Variants in CYRIB observed in about 807,000 individuals in gnomAD.
CYRIB encodes the protein CYFIP-related Rac1 interactor B.
CYRIB carries 8 observed loss-of-function variants against 44.2 expected under a neutral mutation model. The ratio of observed to expected loss-of-function variants is 0.18; its 90% CI spans 0.11 to 0.33. The LOEUF (loss-of-function observed/expected upper bound fraction) is 0.33. CYRIB is among the 10% of genes least tolerant of loss of function. The probability of loss-of-function intolerance (pLI) is 1.00; values close to 1 mark genes in which losing one functional copy is unlikely to be tolerated. For synonymous variants in CYRIB, 131 were observed against 127.2 expected (o/e 1.03, Z -0.20); for missense variants, 185 against 382.8 (o/e 0.48, Z 4.31).
At chr8:129,994,344 G>A (rs2096719723) in intron 1 of CYRIB, among the ~76,000 whole-genome samples, 1 of 152,202 alleles carries the variant, frequency 6.6e-6, no homozygotes, top group South Asian at 2.1e-4. Context: ...CTTCGCCTTG[G>A]ACTGCCAGTC....
At chr8:129,864,370 C>G (rs2052121304) in intron 4 of CYRIB, 1 of 152,266 alleles carries the variant, frequency 6.6e-6, no homozygotes, top group African/African-American at 2.4e-5. Flanking sequence ...CAGGCCCAGA[C>G]TTGGTAATGA....
intron 1 of CYRIB, among the ~76,000 whole-genome samples, chr8:129,973,582 A>G (rs2095802204): frequency 6.6e-6 from 1 of 152,176 alleles, no homozygotes; most frequent in African/African-American, 2.4e-5. Context: ...GGGAGTCCCA[A>G]CCACCTCACG....
At chr8:129,990,080 T>C (rs1017578932) in intron 1 of CYRIB, among the ~76,000 whole-genome samples, 1 of 152,136 alleles carries the variant, frequency 6.6e-6, no homozygotes, top group Non-Finnish European at 1.5e-5. Flanking sequence ...CTCCAACTTG[T>C]CCTCAGTTTT....
At chr8:130,005,049 G>A (rs2134056153) in intron 1 of CYRIB, among the ~76,000 whole-genome samples, 1 of 152,304 alleles carries the variant, frequency 6.6e-6, no homozygotes, top group East Asian at 1.9e-4. Flanking sequence ...TTACAGGCAT[G>A]AGCCACCGTG....
chr8:129,975,514 C>A (rs2095879139), intron 1 of CYRIB, among the ~76,000 whole-genome samples: 1 of 152,024 alleles, frequency 6.6e-6, no homozygotes. Context: ...ATAAAAAAGA[C>A]AAAAACTTTT....
At chr8:129,865,838 G>A (rs1352740174) in intron 4 of CYRIB, among the ~76,000 whole-genome samples, 2 of 152,230 alleles carry the variant, frequency 1.3e-5, no homozygotes, top group Non-Finnish European at 2.9e-5. Flanking sequence ...TGGGAAGCCA[G>A]TAAGCTTTAG....
At chr8:129,986,924 G>C (rs1010864205) in intron 1 of CYRIB, among the ~76,000 whole-genome samples, 1 of 152,128 alleles carries the variant, frequency 6.6e-6, no homozygotes, top group Admixed American at 6.5e-5. Context: ...ATGCTCCAGG[G>C]GTGGCACATT....
intron 1 of CYRIB, among the ~76,000 whole-genome samples, chr8:129,988,183 A>G (rs970521984): frequency 2.0e-5 from 3 of 152,184 alleles, no homozygotes; most frequent in Non-Finnish European, 4.4e-5. Context: ...CGAAACTGCT[A>G]CGTGATACCC....
intron 1 of CYRIB, among the ~76,000 whole-genome samples, chr8:129,982,798 T>C (rs1392931072): frequency 6.6e-6 from 1 of 152,150 alleles, no homozygotes; most frequent in Non-Finnish European, 1.5e-5. Context: ...CTTGCCTGTT[T>C]TAAATTCTCA....
rs185529444 is a variant in CYRIB, at chr8:129,845,675, T to C, written c.911+1129A>G. ...TGACAGTTCCGCTTAGCTGAAATGA[T>C]ACAGCCTACATTTTATGTGGTAAAT... On this transcript the variant is annotated intron_variant, in intron 11 of 11. Transcript: ENST00000519824. Among the ~76,000 whole-genome samples, 318 of 152,342 alleles carry C rather than the reference T, an allele frequency of 2.1e-3. 3 individuals are homozygous for C. The highest frequency in any genetic ancestry group is 1.6e-3 in the Non-Finnish European group (107 of 68,034).
chr8:129,977,085 A>T (rs1202696916), intron 1 of CYRIB, among the ~76,000 whole-genome samples: 1 of 152,168 alleles, frequency 6.6e-6, no homozygotes, highest in South Asian at 2.1e-4. Context: ...CAAGTGATCC[A>T]CCCACCTCGG....
At chr8:129,970,109 T>C (rs2095631854) in intron 2 of CYRIB, among the ~76,000 whole-genome samples, 1 of 152,192 alleles carries the variant, frequency 6.6e-6, no homozygotes, top group South Asian at 2.1e-4. Flanking sequence ...GTGTAACATA[T>C]CAAAATTTCA....
intron 1 of CYRIB, among the ~76,000 whole-genome samples, chr8:129,905,835 C>A (rs964141921): frequency 6.6e-5 from 10 of 152,048 alleles, no homozygotes; most frequent in African/African-American, 2.2e-4. Context: ...CCTTAGAAAT[C>A]AAATATCAGG....
chr8:129,986,924 G>T (rs1010864205), intron 1 of CYRIB, among the ~76,000 whole-genome samples: 2 of 152,128 alleles, frequency 1.3e-5, no homozygotes, highest in Non-Finnish European at 2.9e-5. Flanking sequence ...ATGCTCCAGG[G>T]GTGGCACATT....
chr8:129,900,826 C>T (rs941358564), intron 2 of CYRIB, among the ~76,000 whole-genome samples: 6 of 152,178 alleles, frequency 3.9e-5, no homozygotes, highest in East Asian at 1.9e-4. Flanking sequence ...ATTACAGGTG[C>T]GCACAACCAT....
At chr8:129,916,312 A>C (rs2080753352) in intron 1 of CYRIB, among the ~76,000 whole-genome samples, 1 of 152,116 alleles carries the variant, frequency 6.6e-6, no homozygotes, top group Non-Finnish European at 1.5e-5. Context: ...CTACTTCTGT[A>C]GTTCTCTCCC....
chr8:130,008,831 AG>A (rs1457627033), intron 1 of CYRIB, among the ~76,000 whole-genome samples: 8 of 152,226 alleles, frequency 5.3e-5, no homozygotes, highest in African/African-American at 1.9e-4. Flanking sequence ...CAGACATTTT[AG>A]GAAGTTATTG....
At chr8:129,848,597 G>GTC (rs755756162) in intron 10 of CYRIB, among the ~76,000 whole-genome samples, 1 of 152,112 alleles carries the variant, frequency 6.6e-6, no homozygotes, top group Admixed American at 6.5e-5. Context: ...TCAAGACAGG[G>GTC]TCTCTCTCTC....
intron 1 of CYRIB, among the ~76,000 whole-genome samples, chr8:129,912,684 G>A (rs1268788260): frequency 6.6e-6 from 1 of 151,980 alleles, no homozygotes. Context: ...TTTAGAGACA[G>A]GGTCTTATTA....
Sources: allele counts gnomAD v4.1 joint callset (sites outside exome capture counted in the v4.1 genomes callset), GRCh38; gene constraint gnomAD v4.1.1; transcripts MANE v1.5; gene names NCBI Gene and HGNC (gene_info 2026-07-23, HGNC 2026-07-21).